The following LMNA variants were observed in gnomAD, a reference collection of about 807,000 sequenced individuals.
LMNA encodes lamin A/C.
LMNA carries 20 observed loss-of-function variants against 70.4 expected under a neutral mutation model. The ratio of observed to expected loss-of-function variants is 0.28; its 90% CI spans 0.20 to 0.41. LMNA has a LOEUF of 0.41. LMNA is among the 10% of genes least tolerant of loss of function. The pLI, the probability that LMNA is intolerant of heterozygous loss-of-function variation, is 1.00. For synonymous variants in LMNA, 339 were observed against 372.8 expected, an observed-to-expected ratio of 0.91 and a Z score of 1.04; for missense variants, 652 against 917.2, an observed-to-expected ratio of 0.71 and a Z score of 3.73.
At position 156,135,143 on chromosome 1, in the gene LMNA, C is replaced by T. The variant is rs1224836903; in HGVS notation, c.811-44C>T. 7 of 1,613,662 alleles carry T rather than the reference C, an allele frequency of 4.3e-6. No homozygotes were observed. The highest frequency in any genetic ancestry group is 1.6e-4 in the Middle Eastern group (1 of 6,084). On this transcript the variant is annotated intron_variant, in intron 4 of 11. Coordinates refer to ENST00000368300, the MANE Select transcript of LMNA (RefSeq NM_170707.4). The surrounding 1 kb of genome is among the most constrained non-coding windows in gnomAD (Gnocchi z 4.8). ...GCCCAACTCAGGCCTGTGCCTCCAC[C>T]CCTCCCAGTCACCACAGTCCTAACC... is the stretch of plus-strand genomic sequence containing the variant.
rs947335388 is a variant in LMNA, at chr1:156,137,898, C to T, written c.1698+155C>T. ...GGCCTGGCCTTTCTTCTCTCTCCTCCCTATACCTTGAACAGGGAACCCAGG... is the reference window on the plus strand; with the variant it reads ...GGCCTGGCCTTTCTTCTCTCTCCTCTCTATACCTTGAACAGGGAACCCAGG... On this transcript the variant is annotated intron_variant, in intron 10 of 11. Coordinates refer to ENST00000368300, the MANE Select transcript of LMNA (RefSeq NM_170707.4). The surrounding 1 kb of genome is among the most constrained non-coding windows in gnomAD (Gnocchi z 4.6). 15 of 1,481,036 alleles carry T rather than the reference C, an allele frequency of 1.0e-5. No homozygotes were observed. Among genetic ancestry groups the T allele is most frequent in the South Asian group, 3.9e-5 (3 of 76,486 alleles). 91.7% of individuals were successfully genotyped at this position (1,481,036 alleles called of 1,614,324 possible).
In LMNA at chr1:156,136,916, G is replaced by A. The variant is rs730880133; in HGVS notation, c.1381-5G>A. Reference sequence around the variant, plus strand: ...CGACCTTCCTCTTCCCTATCTTCCCGGCAGGACCAGTCCATGGGCAATTGG... The same window carrying A: ...CGACCTTCCTCTTCCCTATCTTCCCAGCAGGACCAGTCCATGGGCAATTGG... On this transcript the variant is annotated splice_polypyrimidine_tract_variant and splice_region_variant and intron_variant, in intron 7 of 11. Transcript: ENST00000368300. This position sits in a 1 kb window ranked among gnomAD's most constrained non-coding sequence, Gnocchi z 6.1. 63 of 1,612,656 alleles carry A rather than the reference G, an allele frequency of 3.9e-5. 1 individual carries two copies. The highest frequency in any genetic ancestry group is 1.3e-4 in the African/African-American group (10 of 74,834).
At chr1:156,125,055 C>G (rs1044805884) in intron 1 of LMNA, among the ~76,000 whole-genome samples, 1 of 152,154 alleles carries the variant, frequency 6.6e-6, no homozygotes, top group African/African-American at 2.4e-5. Context: ...TTAGTTTCCC[C>G]CTGTAAAAGT....
intron 2 of LMNA, among the ~76,000 whole-genome samples, chr1:156,087,376 G>A (rs1301810490): frequency 6.6e-6 from 1 of 151,346 alleles, no homozygotes; most frequent in African/African-American, 2.4e-5. Context: ...CTGAGTAGCT[G>A]GGATTACAGA....
At chr1:156,116,634 G>A (rs1445845405) in intron 1 of LMNA, among the ~76,000 whole-genome samples, 3 of 152,032 alleles carry the variant, frequency 2.0e-5, no homozygotes, top group African/African-American at 4.8e-5. Context: ...GCACAATCTC[G>A]GCTCACTGCA....
chr1:156,121,642 C>T (rs116251020), intron 1 of LMNA, among the ~76,000 whole-genome samples: 1 of 152,070 alleles, frequency 6.6e-6, no homozygotes, highest in South Asian at 2.1e-4. Flanking sequence ...CCTTCACCTA[C>T]CAACTGTGCT....
At chr1:156,121,306 C>A (rs1299059946) in intron 1 of LMNA, among the ~76,000 whole-genome samples, 1 of 152,066 alleles carries the variant, frequency 6.6e-6, no homozygotes, top group Admixed American at 6.5e-5. Flanking sequence ...ACCTTGACCT[C>A]CCAAAGTGCT....
chr1:156,121,650 G>A lies in LMNA; in HGVS notation c.356+6376G>A, dbSNP rs1650198040. Among the ~76,000 whole-genome samples, 3 of 151,964 alleles carry A rather than the reference G, an allele frequency of 2.0e-5. 1 individual carries two copies. The South Asian group carries it at 6.2e-4, about 32-fold the overall frequency. ...GTAGATCCCTTCACCTACCAACTGT[G>A]CTTTCTGCTCCCCTCCCCCTTGCTT... is the stretch of plus-strand genomic sequence containing the variant. On this transcript the variant is annotated intron_variant, in intron 1 of 11. Transcript: ENST00000368300.
chr1:156,096,500 T>G (rs1185849039), intron 3 of LMNA, among the ~76,000 whole-genome samples: 2 of 152,366 alleles, frequency 1.3e-5, no homozygotes, highest in East Asian at 3.9e-4. Flanking sequence ...GGACTCAGCT[T>G]AATCATCCCT....
chr1:156,130,603 C>T lies in LMNA; in HGVS notation c.357-14C>T. On this transcript the variant is annotated splice_polypyrimidine_tract_variant and intron_variant, in intron 1 of 11. Transcript: ENST00000368300. The stretch of plus-strand genomic sequence containing the variant: ...ACTCCTTCTCTTAAATCTACTCTCC[C>T]CTCTCTTCTTTAGCAATACCAAGAA... 6.2e-7 allele frequency: 1 copy of T among 1,613,704 alleles called. No homozygotes were observed. Among genetic ancestry groups the T allele is most frequent in the Non-Finnish European group, 8.5e-7 (1 of 1,179,908 alleles).
In LMNA at chr1:156,102,630, C is replaced by T. The variant is rs528172359; in HGVS notation, c.-207+12048C>T. On this transcript the variant is annotated intron_variant, in intron 3 of 12. Coordinates refer to the LMNA transcript ENST00000368301. ...GCCCACCCAGTGCTCATCTCCATTT[C>T]CAGCCCCTCCTGGGCGCCTCTGGCC... Among the ~76,000 whole-genome samples, 3 of 152,320 alleles carry T rather than the reference C, an allele frequency of 2.0e-5. No individual in the cohort carries two copies. The East Asian group carries it at 5.8e-4, about 29-fold the overall frequency.
chr1:156,083,000 G>C (rs886894137), exon 2 of LMNA: 1 of 152,296 alleles, frequency 6.6e-6, no homozygotes, highest in Non-Finnish European at 1.5e-5. Context: ...AGAAGACAAA[G>C]CCCGCAGCAG....
intron 3 of LMNA, among the ~76,000 whole-genome samples, chr1:156,105,233 G>A (rs1044035842): frequency 6.6e-6 from 1 of 152,184 alleles, no homozygotes; most frequent in African/African-American, 2.4e-5. Flanking sequence ...TAGCAGACAG[G>A]GGAATCTGGG....
chr1:156,135,125 TCAGG>T lies in LMNA; in HGVS notation c.811-60_811-57del, dbSNP rs1651437601. On this transcript the variant is annotated intron_variant, in intron 4 of 11. Coordinates refer to ENST00000368300, the MANE Select transcript of LMNA (RefSeq NM_170707.4). The surrounding 1 kb of genome is among the most constrained non-coding windows in gnomAD (Gnocchi z 4.8). ...TGGGGCTGTAGCAGTGATGCCCAAC[TCAGG>T]CCTGTGCCTCCACCCCTCCCAGTCA... 6.2e-7 allele frequency: 1 copy of T among 1,612,990 alleles called. No homozygotes were observed. The highest frequency in any genetic ancestry group is 1.3e-5 in the African/African-American group (1 of 74,928).
chr1:156,137,994 G>T lies in LMNA; in HGVS notation c.1698+251G>T, dbSNP rs977996638. 7 of 742,352 alleles carry T rather than the reference G, an allele frequency of 9.4e-6. No individual in the cohort carries two copies. The highest frequency in any genetic ancestry group is 9.3e-5 in the South Asian group (5 of 53,582). The allele number at this position is 742,352 out of a possible 1,614,324, so 46.0% of individuals were successfully genotyped here. ...GATGCCATGGAATATTCCTGTGGGA[G>T]CAGTGGACAAGGGTCTGGATTTGTC... is the stretch of plus-strand genomic sequence containing the variant. On this transcript the variant is annotated intron_variant, in intron 10 of 11. Coordinates refer to ENST00000368300, the MANE Select transcript of LMNA (RefSeq NM_170707.4). The surrounding 1 kb of genome is among the most constrained non-coding windows in gnomAD (Gnocchi z 4.6).
At chr1:156,117,739 C>T (rs1443980929) in intron 1 of LMNA, among the ~76,000 whole-genome samples, 1 of 152,000 alleles carries the variant, frequency 6.6e-6, no homozygotes, top group African/African-American at 2.4e-5. Context: ...GCCATGTTGC[C>T]CACAGTCTTG....
At position 156,134,740 on chromosome 1, in the gene LMNA, G is replaced by A; in HGVS notation, c.640-65G>A. 6.2e-7 allele frequency: 1 copy of A among 1,606,218 alleles called. No homozygotes were observed. Among genetic ancestry groups the A allele is most frequent in the East Asian group, 2.2e-5 (1 of 44,846 alleles). ...GGGCTGGGCAGGGAGCCCCGCCCCT[G>A]GGTCTTGGCCTCCCAGGAACTAATT... On this transcript the variant is annotated intron_variant, in intron 3 of 11. Transcript: ENST00000368300. This position sits in a 1 kb window ranked among gnomAD's most constrained non-coding sequence, Gnocchi z 5.3.
chr1:156,111,467 A>T (rs63133460), upstream of LMNA, among the ~76,000 whole-genome samples: 1 of 147,650 alleles, frequency 6.8e-6, no homozygotes, highest in Non-Finnish European at 1.5e-5. Flanking sequence ...AAAAAAAAAA[A>T]TTCTCAAACC....
At position 156,126,469 on chromosome 1, in the gene LMNA, G is replaced by A. The variant is rs114830939; in HGVS notation, c.357-4148G>A. 441 of 634,874 alleles carry A rather than the reference G, an allele frequency of 6.9e-4. 2 individuals are homozygous for A. The African/African-American group carries it at 7.7e-3, about 11-fold the overall frequency. The allele number at this position is 634,874 out of a possible 1,614,324, so 39.3% of individuals were successfully genotyped here. ...GCTTCCATATCTGGCATCAGAGTTG[G>A]GCTGAGCAGGGTGACTCAGAGGGTG... On this transcript the variant is annotated intron_variant, in intron 1 of 11. Transcript: ENST00000368300.
Sources: allele counts gnomAD v4.1 joint callset (sites outside exome capture counted in the v4.1 genomes callset), GRCh38; gene constraint gnomAD v4.1.1; non-coding constraint Gnocchi (gnomAD v3.1); transcripts MANE v1.5; gene names NCBI Gene and HGNC (gene_info 2026-07-23, HGNC 2026-07-21).